The following SOX5 variants were observed in gnomAD, a reference collection of about 807,000 sequenced individuals.
SOX5 encodes transcription factor SOX-5.
SOX5 carries 9 observed loss-of-function variants against 92.0 expected under a neutral mutation model. That is an observed-to-expected ratio of 0.10 (90% CI 0.06 to 0.17). The LOEUF is 0.17. Among genes scored for constraint, SOX5 ranks in the 10% least tolerant of loss-of-function variants. The pLI, the probability that SOX5 is intolerant of heterozygous loss-of-function variation, is 1.00. For synonymous variants in SOX5, 344 were observed against 336.3 expected (o/e 1.02, Z -0.25); for missense variants, 642 against 944.5 (o/e 0.68, Z 4.20).
chr12:23,595,307 T>G (rs1459365793), intron 9 of SOX5, among the ~76,000 whole-genome samples: 2 of 151,884 alleles, frequency 1.3e-5, no homozygotes, highest in Non-Finnish European at 2.9e-5. Flanking sequence ...AAACCACACA[T>G]GAAATCTGAA....
At chr12:23,676,095 G>T (rs556456087) in intron 6 of SOX5, among the ~76,000 whole-genome samples, 2 of 152,034 alleles carry the variant, frequency 1.3e-5, no homozygotes, top group Admixed American at 1.3e-4. Flanking sequence ...GGAGATGTAG[G>T]TCAAAGGGGA....
intron 4 of SOX5, among the ~76,000 whole-genome samples, chr12:24,048,390 T>G (rs7302982): frequency 0.13 from 20,023 of 152,146 alleles, 1,825 homozygotes; most frequent in Non-Finnish European, 0.21. Flanking sequence ...GTGTTCCTTA[T>G]CTGTACAAAA....
intron 1 of SOX5, 114 bp downstream of exon 1, chr12:23,949,450 C>T (rs1371401970): frequency 7.8e-7 from 1 of 1,281,366 alleles, no homozygotes; most frequent in Admixed American, 1.7e-5. Flanking sequence ...GAAGCCCTAG[C>T]TAAAGGCTTC....
chr12:23,784,438 C>T (rs572275584), intron 3 of SOX5, among the ~76,000 whole-genome samples: 4 of 151,986 alleles, frequency 2.6e-5, no homozygotes, highest in African/African-American at 4.8e-5. Context: ...GCCATTTTCC[C>T]GCCTCAGCCT....
intron 3 of SOX5, among the ~76,000 whole-genome samples, chr12:23,819,345 C>T (rs2096061490): frequency 6.6e-6 from 1 of 152,110 alleles, no homozygotes; most frequent in South Asian, 2.1e-4. Context: ...ACTGTACTTT[C>T]TTTGTGTAAA....
At chr12:24,238,189 G>T (rs1964882265) in intron 3 of SOX5, among the ~76,000 whole-genome samples, 1 of 152,124 alleles carries the variant, frequency 6.6e-6, no homozygotes, top group Non-Finnish European at 1.5e-5. Context: ...CTGAAAGAAA[G>T]GATTACAGAT....
intron 2 of SOX5, among the ~76,000 whole-genome samples, chr12:24,304,158 G>A (rs934609721): frequency 6.6e-6 from 1 of 152,312 alleles, no homozygotes; most frequent in Middle Eastern, 3.4e-3. Context: ...AAGAGTCAAG[G>A]AAGAAGGTTT....
chr12:24,390,773 TA>T (rs1566051795), intron 1 of SOX5, among the ~76,000 whole-genome samples: 1 of 152,188 alleles, frequency 6.6e-6, no homozygotes, highest in Non-Finnish European at 1.5e-5. Flanking sequence ...GGCTGAGTAG[TA>T]TTCTGTGGCA....
intron 6 of SOX5, among the ~76,000 whole-genome samples, chr12:23,695,578 G>C (rs957049601): frequency 6.6e-6 from 1 of 152,068 alleles, no homozygotes; most frequent in Admixed American, 6.5e-5. Flanking sequence ...ATTTGTAGTA[G>C]AAAATTATTT....
At chr12:23,706,118 G>A (rs890882661) in intron 6 of SOX5, among the ~76,000 whole-genome samples, 2 of 151,828 alleles carry the variant, frequency 1.3e-5, no homozygotes, top group African/African-American at 4.8e-5. Context: ...CATTCCCAAG[G>A]GACATAATCC....
At chr12:24,483,441 T>C (rs1946205715) in intron 1 of SOX5, among the ~76,000 whole-genome samples, 1 of 152,220 alleles carries the variant, frequency 6.6e-6, no homozygotes, top group Non-Finnish European at 1.5e-5. Context: ...AAATGCACCA[T>C]AAGTTTTCCT....
intron 1 of SOX5, among the ~76,000 whole-genome samples, chr12:24,391,721 C>T (rs369560975): frequency 6.6e-6 from 1 of 152,090 alleles, no homozygotes; most frequent in African/African-American, 2.4e-5. Flanking sequence ...TCTTTGAGAA[C>T]CCATACTGGC....
chr12:23,789,761 T>C (rs1482622590), intron 3 of SOX5, among the ~76,000 whole-genome samples: 1 of 152,168 alleles, frequency 6.6e-6, no homozygotes, highest in Non-Finnish European at 1.5e-5. Context: ...AAATTACTTT[T>C]ACTGCAGTTG....
chr12:23,626,868 T>A (rs755999726), intron 8 of SOX5, among the ~76,000 whole-genome samples: 7 of 152,094 alleles, frequency 4.6e-5, no homozygotes, highest in Non-Finnish European at 8.8e-5. Flanking sequence ...GCAGTTTTTT[T>A]GTGTGTGAAA....
At chr12:23,807,734 GGGT>G (rs1470229830) in intron 3 of SOX5, among the ~76,000 whole-genome samples, 1 of 150,620 alleles carries the variant, frequency 6.6e-6, no homozygotes, top group African/African-American at 2.4e-5. Context: ...TCCGCCTCCT[GGGT>G]TCAAGTGAAT....
At chr12:23,683,034 A>G (rs1036518352) in intron 6 of SOX5, among the ~76,000 whole-genome samples, 1 of 151,926 alleles carries the variant, frequency 6.6e-6, no homozygotes, top group Non-Finnish European at 1.5e-5. Context: ...CCACATTTAT[A>G]TCAACACAAA....
intron 6 of SOX5, among the ~76,000 whole-genome samples, chr12:23,716,462 A>C (rs1286459696): frequency 6.6e-6 from 1 of 152,226 alleles, no homozygotes; most frequent in Non-Finnish European, 1.5e-5. Flanking sequence ...CTACACTAAT[A>C]TGTATGCCAC....
chr12:24,305,565 T>C (rs558875), intron 2 of SOX5, among the ~76,000 whole-genome samples: 18,670 of 152,220 alleles, frequency 0.12, 1,497 homozygotes, highest in South Asian at 0.18. Flanking sequence ...ACCTAGAAGA[T>C]GGAAAGGCAG....
chr12:23,563,764 G>T (rs1008801049), intron 10 of SOX5, among the ~76,000 whole-genome samples: 2 of 151,664 alleles, frequency 1.3e-5, no homozygotes, highest in Non-Finnish European at 1.5e-5. Flanking sequence ...TTTTTTTCCT[G>T]CAAGGAACAT....
Sources: allele counts gnomAD v4.1 joint callset (sites outside exome capture counted in the v4.1 genomes callset), GRCh38; gene constraint gnomAD v4.1.1; transcripts MANE v1.5; gene names NCBI Gene and HGNC (gene_info 2026-07-23, HGNC 2026-07-21).